Variants in FRMD3 observed in about 807,000 individuals in gnomAD.
FRMD3 encodes the protein FERM domain-containing protein 3.
Under a neutral mutation model 70.2 loss-of-function variants are expected in FRMD3, and 33 were observed. The observed-to-expected ratio is 0.47, with a 90% CI of 0.36 to 0.63. The LOEUF is 0.63. FRMD3 is among the 20% of genes least tolerant of loss of function. The probability of loss-of-function intolerance (pLI) is 0.00; values close to 1 mark genes in which losing one functional copy is unlikely to be tolerated. For missense variants in FRMD3, 632 were observed against 711.4 expected, an observed-to-expected ratio of 0.89 and a Z score of 1.27; for synonymous variants, 279 against 255.9, an observed-to-expected ratio of 1.09 and a Z score of -0.86.
chr9:83,437,808 T>G (rs2131387957), intron 1 of FRMD3, among the ~76,000 whole-genome samples: 1 of 152,358 alleles, frequency 6.6e-6, no homozygotes, highest in Admixed American at 6.5e-5. Flanking sequence ...ACTTGATTTC[T>G]CTTTTGCTCC....
At chr9:83,323,075 T>C (rs1835862164) in intron 6 of FRMD3, among the ~76,000 whole-genome samples, 1 of 152,234 alleles carries the variant, frequency 6.6e-6, no homozygotes, top group African/African-American at 2.4e-5. Context: ...AACCCTCATG[T>C]ACTTCTGGTG....
intron 13 of FRMD3, among the ~76,000 whole-genome samples, chr9:83,265,330 G>A (rs1191440527): frequency 2.6e-5 from 4 of 151,020 alleles, no homozygotes; most frequent in African/African-American, 7.3e-5. Context: ...AACCCGGGAG[G>A]TGGAGCTTGC....
At chr9:83,435,474 C>T (rs2131383231) in intron 1 of FRMD3, among the ~76,000 whole-genome samples, 1 of 152,210 alleles carries the variant, frequency 6.6e-6, no homozygotes, top group Admixed American at 6.5e-5. Flanking sequence ...CTCACTAGGG[C>T]ATCATCTGGA....
At chr9:83,263,586 T>C (rs976310719) in intron 13 of FRMD3, among the ~76,000 whole-genome samples, 3 of 152,074 alleles carry the variant, frequency 2.0e-5, no homozygotes, top group African/African-American at 7.2e-5. Context: ...TAATGCAATA[T>C]GATGAAGACA....
intron 1 of FRMD3, among the ~76,000 whole-genome samples, chr9:83,405,687 T>A (rs930392429): frequency 3.3e-5 from 5 of 151,826 alleles, no homozygotes; most frequent in Admixed American, 1.3e-4. Context: ...GGAGAATTGC[T>A]TGAACCCGAT....
intron 1 of FRMD3, among the ~76,000 whole-genome samples, chr9:83,448,394 C>T (rs1827542730): frequency 6.6e-6 from 1 of 152,144 alleles, no homozygotes; most frequent in African/African-American, 2.4e-5. Flanking sequence ...TCCATGAGGA[C>T]TACCCCACTG....
intron 13 of FRMD3, among the ~76,000 whole-genome samples, chr9:83,258,492 C>T (rs774484192): frequency 6.6e-6 from 1 of 152,186 alleles, no homozygotes; most frequent in Non-Finnish European, 1.5e-5. Context: ...ATGATGGAAG[C>T]AATGCAATAT....
chr9:83,372,889 G>A (rs756211315), intron 3 of FRMD3, 24 bp downstream of exon 3: 1 of 1,600,830 alleles, frequency 6.2e-7, no homozygotes, highest in Non-Finnish European at 8.6e-7. Context: ...TGTAGCAAAA[G>A]TAAAGTCACA....
chr9:83,293,652 T>C (rs1018655856), intron 12 of FRMD3, among the ~76,000 whole-genome samples: 1 of 152,214 alleles, frequency 6.6e-6, no homozygotes, highest in Non-Finnish European at 1.5e-5. Context: ...ACCAGGCTGA[T>C]ATCCCAGGTA....
chr9:83,532,056 T>C (rs1416064854), intron 1 of FRMD3, among the ~76,000 whole-genome samples: 1 of 152,218 alleles, frequency 6.6e-6, no homozygotes, highest in East Asian at 1.9e-4. Context: ...TCACTATTTT[T>C]TCAGCTCTCA....
rs943551999 is a variant in FRMD3, at chr9:83,404,070, A to G, written c.148-14362T>C. Among the ~76,000 whole-genome samples the G allele has an allele frequency of 2.5e-4, 10 of 40,786 alleles. 1 individual carries two copies. Among genetic ancestry groups the G allele is most frequent in the Admixed American group, 8.4e-4 (4 of 4,734 alleles). The allele number at this position is 40,786 out of a possible 152,430, so 26.8% of individuals were successfully genotyped here. ...AGTGGGAATTCCTGCATACACACGC[A>G]CACACACACACACACACACACAAGC... On this transcript the variant is annotated intron_variant, in intron 1 of 13. Transcript: ENST00000304195.
chr9:83,363,649 G>T (rs1182252877), intron 3 of FRMD3, among the ~76,000 whole-genome samples: 1 of 150,978 alleles, frequency 6.6e-6, no homozygotes, highest in East Asian at 2.0e-4. Context: ...CGCCCCCCGG[G>T]GTTCACGCCA....
At chr9:83,265,084 A>G (rs1036973841) in intron 13 of FRMD3, among the ~76,000 whole-genome samples, 3 of 152,190 alleles carry the variant, frequency 2.0e-5, no homozygotes, top group African/African-American at 4.8e-5. Context: ...TTGCACATAC[A>G]GAAGTTCTCT....
At chr9:83,473,080 T>A (rs951688641) in intron 1 of FRMD3, among the ~76,000 whole-genome samples, 5 of 152,078 alleles carry the variant, frequency 3.3e-5, no homozygotes, top group Admixed American at 3.3e-4. Flanking sequence ...CCAAAATCAA[T>A]CATTATTATA....
chr9:83,543,860 A>G, the FRMD3 span, among the ~76,000 whole-genome samples: 1 of 152,140 alleles, frequency 6.6e-6, no homozygotes, highest in Admixed American at 6.5e-5. Flanking sequence ...GTTCTGCCAT[A>G]GCAGCCAGGT....
intron 1 of FRMD3, chr9:83,467,844 T>G (rs1828170188): frequency 8.1e-6 from 11 of 1,364,058 alleles, no homozygotes; most frequent in Non-Finnish European, 1.0e-5. Flanking sequence ...GTAAATAGGT[T>G]GATGGTTTTT....
intron 1 of FRMD3, among the ~76,000 whole-genome samples, chr9:83,422,208 G>A (rs1220504952): frequency 1.0e-5 from 1 of 98,254 alleles, no homozygotes; most frequent in Admixed American, 9.0e-5. Flanking sequence ...CTGGGCAGCA[G>A]AGTGAGACTG....
intron 2 of FRMD3, among the ~76,000 whole-genome samples, chr9:83,374,371 G>A (rs1825076813): frequency 6.7e-6 from 1 of 148,740 alleles, no homozygotes; most frequent in African/African-American, 2.5e-5. Flanking sequence ...TCAACATTAT[G>A]GAAAGTCACA....
chr9:83,244,212 A>T (rs1203542265), downstream of FRMD3, among the ~76,000 whole-genome samples: 1 of 151,974 alleles, frequency 6.6e-6, no homozygotes, highest in African/African-American at 2.4e-5. Flanking sequence ...AGTGTCACAG[A>T]GTTGAGTCTC....
Sources: gnomAD v4.1 joint callset for allele counts (sites outside exome capture counted in the v4.1 genomes callset) on GRCh38, gnomAD v4.1.1 for gene constraint, MANE v1.5 for transcripts, NCBI Gene and HGNC (gene_info 2026-07-23, HGNC 2026-07-21) for gene names.